The following NXPH2 variants were observed in gnomAD, a reference collection of about 807,000 sequenced individuals.
NXPH2 encodes the protein neurexophilin-2.
A neutral mutation model predicts 19.8 loss-of-function variants in NXPH2; 5 were observed. The ratio of observed to expected loss-of-function variants is 0.25; its 90% CI spans 0.13 to 0.53. NXPH2 has a LOEUF of 0.53. Among genes scored for constraint, NXPH2 ranks in the 20% least tolerant of loss-of-function variants. The probability of loss-of-function intolerance (pLI) is 0.96; values close to 1 mark genes in which losing one functional copy is unlikely to be tolerated. For missense variants in NXPH2, 289 were observed against 322.8 expected, an observed-to-expected ratio of 0.90 and a Z score of 0.80; for synonymous variants, 154 against 127.4, an observed-to-expected ratio of 1.21 and a Z score of -1.41.
chr2:138,704,753 C>T (rs10178932), intron 1 of NXPH2, among the ~76,000 whole-genome samples: 76,211 of 151,792 alleles, frequency 0.5, 21,299 homozygotes, highest in South Asian at 0.75. Flanking sequence ...AACTCCTCGG[C>T]TCAAGTGATC....
intron 1 of NXPH2, among the ~76,000 whole-genome samples, chr2:138,711,577 A>G (rs560886481): frequency 6.6e-6 from 1 of 152,258 alleles, no homozygotes; most frequent in South Asian, 2.1e-4. Context: ...CTTTGGTTGC[A>G]GTATCATATA....
chr2:138,687,052 T>C (rs1480402921), intron 1 of NXPH2, among the ~76,000 whole-genome samples: 3 of 152,278 alleles, frequency 2.0e-5, no homozygotes, highest in East Asian at 3.9e-4. Context: ...ATTTATAATT[T>C]TTTGGGTATA....
intron 1 of NXPH2, among the ~76,000 whole-genome samples, chr2:138,710,315 T>C (rs1223289856): frequency 2.6e-5 from 4 of 152,210 alleles, no homozygotes; most frequent in Admixed American, 2.0e-4. Flanking sequence ...CACCTCTTGA[T>C]GAATACTTGG....
intron 1 of NXPH2, among the ~76,000 whole-genome samples, chr2:138,756,022 G>A (rs1215878344): frequency 6.6e-6 from 1 of 151,926 alleles, no homozygotes; most frequent in Non-Finnish European, 1.5e-5. Context: ...CTTGTATCCT[G>A]AGACCTTGCC....
At chr2:138,723,061 C>CA (rs1681304608) in intron 1 of NXPH2, among the ~76,000 whole-genome samples, 1 of 152,054 alleles carries the variant, frequency 6.6e-6, no homozygotes, top group Non-Finnish European at 1.5e-5. Context: ...CAAGCAAAGG[C>CA]AAAAAGTGCT....
chr2:138,671,311 C>T lies in NXPH2; in HGVS notation c.406G>A (p.Asp136Asn). Reference sequence around the variant, plus strand: ...ACACTGAAGGTTCCATTTCCATGGTCAACAATTTTCCCTGTGATGAGGAGA... The same window carrying T: ...ACACTGAAGGTTCCATTTCCATGGTTAACAATTTTCCCTGTGATGAGGAGA... ...LNLLITGKIV[D>N]HGNGTFSVYF... Residue 136 changes from aspartate to asparagine, a missense_variant, in exon 2 of 2, where the codon GAC becomes AAC. Asp to Asn is a conservative substitution (Grantham distance 23). Coordinates refer to ENST00000272641, the MANE Select transcript of NXPH2 (RefSeq NM_007226.3). 1.2e-6 allele frequency: 2 copies of T among 1,613,792 alleles called. No homozygotes were observed. Among genetic ancestry groups the T allele is most frequent in the Non-Finnish European group, 8.5e-7 (1 of 1,179,794 alleles).
At chr2:138,671,704 G>T in intron 1 of NXPH2, 39 bp from the exon 2 acceptor site, 1 of 1,510,968 alleles carries the variant, frequency 6.6e-7, no homozygotes, top group Non-Finnish European at 8.8e-7. Flanking sequence ...CTTTAGGTTA[G>T]TGCCGTGACT....
chr2:138,764,040 C>T (rs545533120), intron 1 of NXPH2, among the ~76,000 whole-genome samples: 4 of 152,232 alleles, frequency 2.6e-5, no homozygotes, highest in South Asian at 4.2e-4. Context: ...GTGAAATACA[C>T]AAAGATGTGC....
chr2:138,690,309 T>A (rs1680728143), intron 1 of NXPH2, among the ~76,000 whole-genome samples: 1 of 152,162 alleles, frequency 6.6e-6, no homozygotes. Flanking sequence ...CAACATGACC[T>A]CTCTCCTGGG....
At chr2:138,715,086 T>C (rs1681173626) in intron 1 of NXPH2, among the ~76,000 whole-genome samples, 1 of 152,212 alleles carries the variant, frequency 6.6e-6, no homozygotes, top group Non-Finnish European at 1.5e-5. Context: ...CTAGGTACTC[T>C]CATCCGAGCA....
intron 1 of NXPH2, among the ~76,000 whole-genome samples, chr2:138,730,619 C>T (rs952126067): frequency 1.3e-5 from 2 of 152,126 alleles, no homozygotes; most frequent in Non-Finnish European, 2.9e-5. Context: ...AGGATGATGG[C>T]CCCAGTTGAG....
intron 1 of NXPH2, among the ~76,000 whole-genome samples, chr2:138,730,748 C>T (rs570400539): frequency 1.2e-4 from 18 of 152,274 alleles, no homozygotes; most frequent in Admixed American, 5.2e-4. Context: ...GTCTTCTCAG[C>T]GGGTGCTCTG....
intron 1 of NXPH2, among the ~76,000 whole-genome samples, chr2:138,773,602 T>G (rs1422559640): frequency 2.0e-5 from 3 of 152,206 alleles, no homozygotes; most frequent in Admixed American, 1.3e-4. Flanking sequence ...TTGAATAATA[T>G]ACATTATTTC....
chr2:138,694,157 A>G (rs187273230), intron 1 of NXPH2, among the ~76,000 whole-genome samples: 1 of 152,304 alleles, frequency 6.6e-6, no homozygotes, highest in East Asian at 1.9e-4. Flanking sequence ...TTATTTCCAT[A>G]TTCACCTGGT....
intron 1 of NXPH2, among the ~76,000 whole-genome samples, chr2:138,686,896 G>C (rs1287454124): frequency 3.3e-5 from 5 of 151,968 alleles, no homozygotes; most frequent in African/African-American, 4.8e-5. Flanking sequence ...CCTTTTTTAT[G>C]GCTGCATAGT....
intron 1 of NXPH2, among the ~76,000 whole-genome samples, chr2:138,675,568 C>G (rs1558910790): frequency 6.6e-6 from 1 of 151,952 alleles, no homozygotes; most frequent in Admixed American, 6.6e-5. Context: ...TTTCAAAGAT[C>G]TGAAAACTTT....
intron 1 of NXPH2, among the ~76,000 whole-genome samples, chr2:138,734,646 G>T (rs896005313): frequency 3.9e-5 from 6 of 152,200 alleles, no homozygotes; most frequent in Non-Finnish European, 8.8e-5. Flanking sequence ...ATAAGCCAGA[G>T]GGAGACCACA....
chr2:138,752,314 A>G (rs1681839931), intron 1 of NXPH2, among the ~76,000 whole-genome samples: 1 of 152,168 alleles, frequency 6.6e-6, no homozygotes, highest in South Asian at 2.1e-4. Context: ...GGCATCCAGT[A>G]GAGTTCTTGG....
chr2:138,679,731 C>A (rs1680544706), intron 1 of NXPH2, among the ~76,000 whole-genome samples: 1 of 152,112 alleles, frequency 6.6e-6, no homozygotes, highest in Admixed American at 6.5e-5. Context: ...TCTGACTCAG[C>A]AAGAAGAGAC....
Sources: allele counts gnomAD v4.1 joint callset (sites outside exome capture counted in the v4.1 genomes callset), GRCh38; gene constraint gnomAD v4.1.1; transcripts MANE v1.5; gene names NCBI Gene and HGNC (gene_info 2026-07-23, HGNC 2026-07-21).